RAD54B: variants seen among roughly 807,000 people sequenced by gnomAD.
RAD54B encodes the protein RAD54 homolog B, also known as DNA repair and recombination protein RAD54B.
A neutral mutation model predicts 95.8 loss-of-function variants in RAD54B; 78 were observed. The ratio of observed to expected loss-of-function variants is 0.81; its 90% CI spans 0.68 to 0.98. The LOEUF (loss-of-function observed/expected upper bound fraction) is 0.98. Among genes scored for constraint, RAD54B ranks in the 50% least tolerant of loss-of-function variants. RAD54B has a pLI of 0.00. For synonymous variants in RAD54B, 328 were observed against 354.9 expected (o/e 0.92, Z 0.85); for missense variants, 957 against 1,056.6 (o/e 0.91, Z 1.31).
chr8:94,462,804 A>G (rs1323405904), intron 2 of RAD54B, among the ~76,000 whole-genome samples: 1 of 152,176 alleles, frequency 6.6e-6, no homozygotes, highest in Non-Finnish European at 1.5e-5. Context: ...ATAACTATTT[A>G]ATTTATTTAT....
intron 3 of RAD54B, among the ~76,000 whole-genome samples, chr8:94,424,764 T>C (rs1263502908): frequency 2.6e-5 from 4 of 152,144 alleles, no homozygotes; most frequent in Admixed American, 2.0e-4. Flanking sequence ...AAGGTCTATC[T>C]GCAAGACTCA....
intron 1 of RAD54B, among the ~76,000 whole-genome samples, 170 bp downstream of exon 1, chr8:94,474,831 T>G (rs1378574517): frequency 1.3e-5 from 2 of 152,092 alleles, no homozygotes; most frequent in Non-Finnish European, 2.9e-5. Flanking sequence ...AACCAGGGCG[T>G]CCCTGGCACT....
chr8:94,430,966 CTT>C, intron 3 of RAD54B: 1 of 985,298 alleles, frequency 1.0e-6, no homozygotes, highest in South Asian at 4.7e-5. Flanking sequence ...ATTCTTTTGT[CTT>C]TTTTCCAGCG....
chr8:94,473,587 G>A (rs949799641), intron 1 of RAD54B, among the ~76,000 whole-genome samples: 2 of 152,118 alleles, frequency 1.3e-5, no homozygotes, highest in African/African-American at 4.8e-5. Flanking sequence ...TAGTATTATC[G>A]GAGAGTAGAA....
chr8:94,390,946 G>A (rs1373680071), intron 10 of RAD54B, among the ~76,000 whole-genome samples: 2 of 152,034 alleles, frequency 1.3e-5, no homozygotes, highest in African/African-American at 2.4e-5. Flanking sequence ...AAGTCTGTGC[G>A]CACTTAACAT....
intron 5 of RAD54B, among the ~76,000 whole-genome samples, chr8:94,406,979 C>T (rs1051752348): frequency 5.3e-5 from 8 of 152,066 alleles, no homozygotes; most frequent in Non-Finnish European, 1.0e-4. Context: ...TTGAATGGAA[C>T]TTTCACTAGT....
At chr8:94,429,628 G>C (rs1812035711) in intron 3 of RAD54B, 1 of 983,452 alleles carries the variant, frequency 1.0e-6, no homozygotes, top group African/African-American at 1.7e-5. Context: ...AATTATACTG[G>C]GAAACATTAC....
At chr8:94,469,477 T>G (rs1453507255) in intron 1 of RAD54B, among the ~76,000 whole-genome samples, 1 of 152,206 alleles carries the variant, frequency 6.6e-6, no homozygotes, top group African/African-American at 2.4e-5. Context: ...AATTACCCAG[T>G]CTTGAGTATC....
chr8:94,377,536 C>A (rs1810612199), intron 14 of RAD54B, among the ~76,000 whole-genome samples: 1 of 100,398 alleles, frequency 1.0e-5, no homozygotes, highest in South Asian at 3.4e-4. Flanking sequence ...AGAGCCAGAC[C>A]CTGTCTTGGA....
chr8:94,398,522 T>C (rs1811196450), intron 8 of RAD54B, among the ~76,000 whole-genome samples: 1 of 152,044 alleles, frequency 6.6e-6, no homozygotes, highest in African/African-American at 2.4e-5. Context: ...AGCTGTGACA[T>C]GCATAAACGA....
At chr8:94,468,935 G>C (rs372125923) in intron 1 of RAD54B, among the ~76,000 whole-genome samples, 1 of 151,840 alleles carries the variant, frequency 6.6e-6, no homozygotes, top group African/African-American at 2.4e-5. Flanking sequence ...AACCAGTCTG[G>C]GCAACATAGC....
intron 3 of RAD54B, among the ~76,000 whole-genome samples, chr8:94,453,096 C>A (rs1243343728): frequency 2.0e-5 from 3 of 152,040 alleles, no homozygotes; most frequent in Non-Finnish European, 4.4e-5. Context: ...AACATAGTCT[C>A]CTATATGTAT....
At chr8:94,447,106 T>C (rs1360823104) in intron 3 of RAD54B, among the ~76,000 whole-genome samples, 2 of 152,154 alleles carry the variant, frequency 1.3e-5, no homozygotes, top group Admixed American at 1.3e-4. Context: ...TGATATTCTG[T>C]GATGTTAAGC....
At chr8:94,438,372 C>A (rs1267599308) in intron 3 of RAD54B, among the ~76,000 whole-genome samples, 2 of 152,102 alleles carry the variant, frequency 1.3e-5, no homozygotes, top group Non-Finnish European at 2.9e-5. Context: ...ATAGTTCTAC[C>A]CTTTCATTGT....
chr8:94,388,390 A>C (rs1810942316), intron 10 of RAD54B, among the ~76,000 whole-genome samples: 1 of 152,158 alleles, frequency 6.6e-6, no homozygotes, highest in Admixed American at 6.6e-5. Context: ...TACAGTATAT[A>C]ATATACAAAA....
rs564110067 is a variant in RAD54B, at chr8:94,470,308, A to G, written c.-16-2753T>C. ...AAACCCCGTCTCTACTAAAAATATA[A>G]GAATTTGAGGCCAGGTGCAGTGGCT... On this transcript the variant is annotated intron_variant, in intron 1 of 14. Coordinates refer to ENST00000336148, the MANE Select transcript of RAD54B (RefSeq NM_012415.3). Among the ~76,000 whole-genome samples the G allele has an allele frequency of 8.5e-5, 13 of 152,126 alleles. No homozygotes were observed. In the South Asian group the frequency reaches 2.7e-3, roughly 32 times the overall value.
At chr8:94,420,979 A>G (rs1448695310) in intron 3 of RAD54B, among the ~76,000 whole-genome samples, 1 of 149,588 alleles carries the variant, frequency 6.7e-6, no homozygotes, top group Non-Finnish European at 1.5e-5. Flanking sequence ...AGCGAGACTC[A>G]GTCTCAAAAA....
At chr8:94,378,684 C>G (rs371550113) in intron 12 of RAD54B, 50 bp from the exon 13 acceptor site, 27 of 1,254,852 alleles carry the variant, frequency 2.2e-5, no homozygotes, top group Non-Finnish European at 2.8e-5. Context: ...ACTAATGGCC[C>G]CTTCCACACA....
rs369056390 is a variant in RAD54B, at chr8:94,397,596, T to A, written c.1378+1818A>T. Among the ~76,000 whole-genome samples the A allele has an allele frequency of 1.2e-3, 184 of 152,302 alleles. 1 individual carries two copies. Among genetic ancestry groups the A allele is most frequent in the African/African-American group, 4.3e-3 (177 of 41,586 alleles). ...TTTAATTTGGAATGTTAAATTAGTATTTGCTTATCATTGAGTATATCAATA... is the reference window on the plus strand; with the variant it reads ...TTTAATTTGGAATGTTAAATTAGTAATTGCTTATCATTGAGTATATCAATA... On this transcript the variant is annotated intron_variant, in intron 8 of 14. Coordinates refer to ENST00000336148, the MANE Select transcript of RAD54B (RefSeq NM_012415.3).
Sources: gnomAD v4.1 joint callset for allele counts (sites outside exome capture counted in the v4.1 genomes callset) on GRCh38, gnomAD v4.1.1 for gene constraint, MANE v1.5 for transcripts, NCBI Gene and HGNC (gene_info 2026-07-23, HGNC 2026-07-21) for gene names.